Variants in MBOAT2 observed in about 807,000 individuals in gnomAD.
MBOAT2 encodes membrane bound glycerophospholipid O-acyltransferase 2.
MBOAT2 carries 28 observed loss-of-function variants against 63.4 expected under a neutral mutation model. That is an observed-to-expected ratio of 0.44 (90% CI 0.33 to 0.61). The LOEUF (loss-of-function observed/expected upper bound fraction) is 0.61, where lower values mean the gene tolerates loss of function less well. MBOAT2 is among the 20% of genes least tolerant of loss of function. MBOAT2 has a pLI of 0.03. For missense variants in MBOAT2, 470 were observed against 605.8 expected, an observed-to-expected ratio of 0.78 and a Z score of 2.35; for synonymous variants, 211 against 215.6, an observed-to-expected ratio of 0.98 and a Z score of 0.19.
At chr2:9,002,076 C>G (rs1439589482) in intron 1 of MBOAT2, among the ~76,000 whole-genome samples, 5 of 150,126 alleles carry the variant, frequency 3.3e-5, no homozygotes, top group Non-Finnish European at 5.9e-5. Context: ...GAAATGTCAG[C>G]AAGAATCCTC....
chr2:8,930,451 T>C (rs906155492), intron 3 of MBOAT2, among the ~76,000 whole-genome samples: 5 of 152,190 alleles, frequency 3.3e-5, no homozygotes, highest in African/African-American at 1.2e-4. Context: ...GGTGTATATG[T>C]GCCACATTTT....
intron 1 of MBOAT2, among the ~76,000 whole-genome samples, chr2:8,969,439 G>A (rs184009153): frequency 5.8e-4 from 89 of 152,296 alleles, no homozygotes; most frequent in African/African-American, 1.8e-3. Flanking sequence ...AAAGACCATC[G>A]ATGCTAGGAA....
chr2:8,903,950 T>C (rs1447555394), intron 4 of MBOAT2, among the ~76,000 whole-genome samples: 1 of 152,110 alleles, frequency 6.6e-6, no homozygotes, highest in Admixed American at 6.6e-5. Context: ...CAGATTAACT[T>C]GGGGGAATCA....
intron 8 of MBOAT2, among the ~76,000 whole-genome samples, chr2:8,871,317 T>C (rs1233398593): frequency 6.6e-6 from 1 of 152,140 alleles, no homozygotes; most frequent in Non-Finnish European, 1.5e-5. Flanking sequence ...TCTTGTATAT[T>C]TTTACATATT....
At position 8,994,530 on chromosome 2, in the gene MBOAT2, C is replaced by T. The variant is rs113921247; in HGVS notation, c.75+9010G>A. ...GTTAGTCCAGAGCAAAGGAGAGAGG[C>T]AGATCAGGAATACCAGGGGCCTCTC... On this transcript the variant is annotated intron_variant, in intron 1 of 12. Transcript: ENST00000305997. Among the ~76,000 whole-genome samples the T allele has an allele frequency of 5.0e-3, 758 of 152,336 alleles. 9 individuals carry two copies. The highest frequency in any genetic ancestry group is 0.02 in the South Asian group (97 of 4,834).
intron 2 of MBOAT2, among the ~76,000 whole-genome samples, chr2:8,949,422 G>A (rs1327937012): frequency 6.6e-6 from 1 of 150,814 alleles, no homozygotes; most frequent in Non-Finnish European, 1.5e-5. Flanking sequence ...TCAATGCCCA[G>A]ATAAAATGAT....
chr2:9,003,455 T>C lies in MBOAT2; in HGVS notation c.75+85A>G, dbSNP rs1672858581. The C allele has an allele frequency of 1.1e-6, 1 of 926,666 alleles. No individual in the cohort carries two copies. The highest frequency in any genetic ancestry group is 1.4e-6 in the Non-Finnish European group (1 of 737,892). The allele number at this position is 926,666 out of a possible 1,614,324, so 57.4% of individuals were successfully genotyped here. ...GGGCGCCCGGCCCCAGCCCCCACCC[T>C]CCTCCCGGGCCCCCGGTCGGGTGGC... is the stretch of plus-strand genomic sequence containing the variant. On this transcript the variant is annotated intron_variant, in intron 1 of 12. Coordinates refer to ENST00000305997, the MANE Select transcript of MBOAT2 (RefSeq NM_138799.4). The surrounding 1 kb of genome is among the most constrained non-coding windows in gnomAD (Gnocchi z 5.4).
intron 1 of MBOAT2, among the ~76,000 whole-genome samples, chr2:8,977,633 A>G (rs946463100): frequency 1.3e-5 from 2 of 152,122 alleles, no homozygotes; most frequent in African/African-American, 2.4e-5. Flanking sequence ...AGTGAGCTCT[A>G]TGTTGCTGAC....
chr2:8,980,656 T>C (rs1253862575), intron 1 of MBOAT2, among the ~76,000 whole-genome samples: 1 of 152,046 alleles, frequency 6.6e-6, no homozygotes, highest in East Asian at 1.9e-4. Flanking sequence ...TTTTATAAAA[T>C]ATTATGCACT....
At chr2:8,950,928 G>A (rs1668780827) in intron 2 of MBOAT2, among the ~76,000 whole-genome samples, 1 of 152,068 alleles carries the variant, frequency 6.6e-6, no homozygotes, top group Non-Finnish European at 1.5e-5. Context: ...TTCTATTTAT[G>A]TGGTGAACCA....
chr2:8,861,722 C>A (rs907033703), intron 11 of MBOAT2, among the ~76,000 whole-genome samples: 4 of 152,160 alleles, frequency 2.6e-5, no homozygotes, highest in Non-Finnish European at 5.9e-5. Flanking sequence ...TAACCCAACC[C>A]AAAGAGACTT....
Position 8,906,219 on chromosome 2 carries a change from G to A in MBOAT2, c.395+2402C>T, listed in dbSNP as rs1025063490. ...CTGCCTTGGCCTCCCAAAGTGCTGG[G>A]ATTACAGGCATGAGCCACCACACCC... On this transcript the variant is annotated intron_variant, in intron 4 of 12. Coordinates refer to ENST00000305997, the MANE Select transcript of MBOAT2 (RefSeq NM_138799.4). Among the ~76,000 whole-genome samples, 4 of 152,212 alleles carry A rather than the reference G, an allele frequency of 2.6e-5. No homozygotes were observed. In the East Asian group the frequency reaches 5.8e-4, roughly 22 times the overall value.
intron 3 of MBOAT2, among the ~76,000 whole-genome samples, chr2:8,919,311 G>A (rs932099739): frequency 3.9e-5 from 6 of 152,332 alleles, no homozygotes; most frequent in Admixed American, 2.0e-4. Context: ...GTTTTCCAAA[G>A]TGACTACAAT....
At position 8,873,317 on chromosome 2, in the gene MBOAT2, G is replaced by A. The variant is rs1176227221; in HGVS notation, c.691-17C>T. On this transcript the variant is annotated splice_polypyrimidine_tract_variant and intron_variant, in intron 7 of 12. Coordinates refer to ENST00000305997, the MANE Select transcript of MBOAT2 (RefSeq NM_138799.4). ...AACCGCAGTCTGAAAAGCGCAAGGCGAGACTTCATCAACTTTATCCATGCT... is the reference window on the plus strand; with the variant it reads ...AACCGCAGTCTGAAAAGCGCAAGGCAAGACTTCATCAACTTTATCCATGCT... 4.4e-6 allele frequency: 7 copies of A among 1,606,040 alleles called. No homozygotes were observed. The highest frequency in any genetic ancestry group is 3.4e-5 in the Admixed American group (2 of 59,154).
In MBOAT2 at chr2:9,003,442, C is replaced by T. The variant is rs1672856270; in HGVS notation, c.75+98G>A. ...GTAGGGGGGCACCGGGCGCCCGGCC[C>T]CAGCCCCCACCCTCCTCCCGGGCCC... On this transcript the variant is annotated intron_variant, in intron 1 of 12. Coordinates refer to ENST00000305997, the MANE Select transcript of MBOAT2 (RefSeq NM_138799.4). The surrounding 1 kb of genome is among the most constrained non-coding windows in gnomAD (Gnocchi z 5.4). The T allele has an allele frequency of 6.2e-6, 5 of 808,300 alleles. No individual in the cohort carries two copies. In the South Asian group the frequency reaches 2.9e-4, roughly 47 times the overall value. The allele number at this position is 808,300 out of a possible 1,614,324, so 50.1% of individuals were successfully genotyped here.
At chr2:8,930,327 G>A (rs796872993) in intron 3 of MBOAT2, among the ~76,000 whole-genome samples, 44 of 152,224 alleles carry the variant, frequency 2.9e-4, no homozygotes, top group African/African-American at 8.2e-4. Flanking sequence ...GAGAACATGC[G>A]GTGTTTGGTT....
rs772739850 is a variant in MBOAT2, at chr2:8,882,461, C to G, written c.506+50G>C. ...CTCAGCCACAGAAGGAACGTGGGTC[C>G]TAGGCAGGGGCGCAGGAAGCATGGC... is the stretch of plus-strand genomic sequence containing the variant. On this transcript the variant is annotated intron_variant, in intron 6 of 12. Coordinates refer to ENST00000305997, the MANE Select transcript of MBOAT2 (RefSeq NM_138799.4). 13 of 1,591,378 alleles carry G rather than the reference C, an allele frequency of 8.2e-6. No individual in the cohort carries two copies. In the South Asian group the frequency reaches 1.3e-4, roughly 16 times the overall value.
At chr2:8,978,230 C>T (rs540220197) in intron 1 of MBOAT2, among the ~76,000 whole-genome samples, 15 of 152,192 alleles carry the variant, frequency 9.9e-5, no homozygotes, top group African/African-American at 3.4e-4. Flanking sequence ...CCAACACACT[C>T]AACTCACTTC....
At chr2:9,001,944 GCTC>G (rs1291212002) in intron 1 of MBOAT2, among the ~76,000 whole-genome samples, 1 of 152,094 alleles carries the variant, frequency 6.6e-6, no homozygotes, top group African/African-American at 2.4e-5. Context: ...TATCTCCCTT[GCTC>G]CTCATCAGCA....
Sources: allele counts gnomAD v4.1 joint callset (sites outside exome capture counted in the v4.1 genomes callset), GRCh38; gene constraint gnomAD v4.1.1; non-coding constraint Gnocchi (gnomAD v3.1); transcripts MANE v1.5; gene names NCBI Gene and HGNC (gene_info 2026-07-23, HGNC 2026-07-21).